The following GALNT11 variants were observed in gnomAD, a reference collection of about 807,000 sequenced individuals.
GALNT11 encodes the protein polypeptide N-acetylgalactosaminyltransferase 11.
In GALNT11, 47 loss-of-function variants were observed where a neutral mutation model predicts 72.7. That is an observed-to-expected ratio of 0.65 (90% confidence interval 0.51 to 0.82). The LOEUF is 0.82. Among genes scored for constraint, GALNT11 ranks in the 40% least tolerant of loss-of-function variants. GALNT11 has a pLI of 0.00. For missense variants in GALNT11, 677 were observed against 778.4 expected (o/e 0.87, Z 1.55); for synonymous variants, 270 against 286.6 (o/e 0.94, Z 0.58).
chr7:152,105,639 A>G (rs1382622074), intron 5 of GALNT11, among the ~76,000 whole-genome samples: 1 of 152,206 alleles, frequency 6.6e-6, no homozygotes, highest in Non-Finnish European at 1.5e-5. Context: ...CCCCTCAAAT[A>G]TATTTTATAT....
At chr7:152,080,714 C>A (rs991674530) in intron 1 of GALNT11, among the ~76,000 whole-genome samples, 1 of 152,110 alleles carries the variant, frequency 6.6e-6, no homozygotes, top group Non-Finnish European at 1.5e-5. Flanking sequence ...GTAATCCCAG[C>A]ACTTTGGGAG....
At chr7:152,048,763 G>A (rs1473741598) in intron 1 of GALNT11, among the ~76,000 whole-genome samples, 1 of 151,520 alleles carries the variant, frequency 6.6e-6, no homozygotes, top group African/African-American at 2.4e-5. Context: ...CAACTTTTAA[G>A]TTTGCCTTTT....
At chr7:152,084,080 C>T (rs1309618049) in intron 1 of GALNT11, among the ~76,000 whole-genome samples, 1 of 152,012 alleles carries the variant, frequency 6.6e-6, no homozygotes, top group Non-Finnish European at 1.5e-5. Context: ...GCTTAAGTAG[C>T]AGTAGGATTT....
intron 1 of GALNT11, among the ~76,000 whole-genome samples, chr7:152,091,040 T>TTG (rs1554426855): frequency 5.3e-5 from 8 of 151,198 alleles, no homozygotes; most frequent in African/African-American, 1.9e-4. Context: ...AGAGGGAGTT[T>TTG]TTGTTGTTGT....
Position 152,040,916 on chromosome 7 carries a change from G to T in GALNT11, c.-39+15032G>T, listed in dbSNP as rs550590530. Among the ~76,000 whole-genome samples, 6 of 152,232 alleles carry T rather than the reference G, an allele frequency of 3.9e-5. No individual in the cohort carries two copies. The East Asian group carries it at 1.2e-3, about 29-fold the overall frequency. On this transcript the variant is annotated intron_variant, in intron 1 of 11. Coordinates refer to ENST00000430044, the MANE Select transcript of GALNT11 (RefSeq NM_022087.4). Reference sequence around the variant, plus strand: ...ATTGGTTTAAATTTAGTTATTCTAGGGAGAATCCAATTACTTATTGTGACT... The same window carrying T: ...ATTGGTTTAAATTTAGTTATTCTAGTGAGAATCCAATTACTTATTGTGACT...
chr7:152,065,408 G>A (rs183056057), intron 1 of GALNT11, among the ~76,000 whole-genome samples: 6 of 152,194 alleles, frequency 3.9e-5, no homozygotes, highest in East Asian at 1.9e-4. Flanking sequence ...CCTTTAGCTC[G>A]GAGTAGTTTG....
rs1249052363 is a variant in GALNT11, at chr7:152,094,966, A to C, written c.295+444A>C. On this transcript the variant is annotated intron_variant, in intron 2 of 11. Transcript: ENST00000430044. The surrounding 1 kb of genome is among the most constrained non-coding windows in gnomAD (Gnocchi z 4.3). ...CCTGGAAGAAGGTTTTAATTGCTAG[A>C]ATTGTTAATAAGGGAAAGAAATGGT... Among the ~76,000 whole-genome samples the C allele has an allele frequency of 6.6e-6, 1 of 152,172 alleles. No homozygotes were observed. Among genetic ancestry groups the C allele is most frequent in the African/African-American group, 2.4e-5 (1 of 41,436 alleles).
intron 1 of GALNT11, among the ~76,000 whole-genome samples, chr7:152,072,824 T>A (rs1351982560): frequency 6.6e-6 from 1 of 152,224 alleles, no homozygotes; most frequent in African/African-American, 2.4e-5. Flanking sequence ...GGATAAATAT[T>A]CTAGTGTCTT....
chr7:152,107,102 A>T (rs2087645115), intron 5 of GALNT11: 1 of 152,194 alleles, frequency 6.6e-6, no homozygotes, highest in African/African-American at 2.4e-5. Context: ...TGGATAGATA[A>T]CATTTGGTGC....
intron 2 of GALNT11, among the ~76,000 whole-genome samples, chr7:152,097,593 G>A (rs1013885553): frequency 2.2e-4 from 34 of 152,364 alleles, no homozygotes; most frequent in African/African-American, 8.2e-4. Flanking sequence ...GTGACAACAT[G>A]TTATCCAAAT....
intron 1 of GALNT11, among the ~76,000 whole-genome samples, chr7:152,092,034 T>G (rs1341095123): frequency 2.6e-5 from 4 of 152,116 alleles, no homozygotes; most frequent in Admixed American, 2.0e-4. Context: ...GCGTGGACCT[T>G]GCTATATGGA....
chr7:152,121,402 T>TAACA lies in GALNT11; in HGVS notation c.1696-139_1696-136dup, dbSNP rs569829616. The TAACA allele has an allele frequency of 2.3e-3, 2,058 of 886,500 alleles. 10 individuals carry two copies. Among genetic ancestry groups the TAACA allele is most frequent in the Middle Eastern group, 4.5e-3 (19 of 4,268 alleles). The allele number at this position is 886,500 out of a possible 1,614,324, so 54.9% of individuals were successfully genotyped here. A position where few individuals can be genotyped will look rare whatever the true frequency, so the allele number is the denominator to read the frequency against. On this transcript the variant is annotated intron_variant, in intron 11 of 11. Transcript: ENST00000430044. ...ATATCTTATTGTATTGTGCTGCAGA[T>TAACA]AACAAACAGCAGAAAACTAACCTTT...
At chr7:152,027,262 T>C (rs1307092399) in intron 1 of GALNT11, among the ~76,000 whole-genome samples, 1 of 152,154 alleles carries the variant, frequency 6.6e-6, no homozygotes, top group African/African-American at 2.4e-5. Context: ...AAAATTTATT[T>C]TTAATTTTTG....
chr7:152,101,648 G>C lies in GALNT11; in HGVS notation c.419+727G>C, dbSNP rs535014883. 8.0e-4 allele frequency among the ~76,000 whole-genome samples: 117 copies of C among 146,874 alleles called. 4 individuals carry two copies. The highest frequency in any genetic ancestry group is 2.2e-3 in the African/African-American group (88 of 40,382). Reference sequence around the variant, plus strand: ...TAAGTTCATGGCTTTTTTTTGGGGGGGGGGGGATGGAGTCTTTCTCTGTTG... The same window carrying C: ...TAAGTTCATGGCTTTTTTTTGGGGGCGGGGGGATGGAGTCTTTCTCTGTTG... On this transcript the variant is annotated intron_variant, in intron 3 of 11. Transcript: ENST00000430044.
intron 1 of GALNT11, among the ~76,000 whole-genome samples, chr7:152,068,008 C>G (rs1257098947): frequency 6.6e-6 from 1 of 152,090 alleles, no homozygotes; most frequent in Non-Finnish European, 1.5e-5. Flanking sequence ...CTTGCAAGAA[C>G]TCCCTGTCAG....
chr7:152,068,345 GT>G (rs1290841116), intron 1 of GALNT11, among the ~76,000 whole-genome samples: 2 of 152,132 alleles, frequency 1.3e-5, no homozygotes, highest in African/African-American at 4.8e-5. Flanking sequence ...TCTTTGTGTA[GT>G]TTGATAGTTC....
At chr7:152,091,783 G>T (rs1385594720) in intron 1 of GALNT11, among the ~76,000 whole-genome samples, 5 of 152,204 alleles carry the variant, frequency 3.3e-5, no homozygotes, top group Non-Finnish European at 7.3e-5. Context: ...TTAGGTAAAG[G>T]TGACAGCAGG....
chr7:152,054,126 A>G (rs1158116410), intron 1 of GALNT11, among the ~76,000 whole-genome samples: 3 of 151,834 alleles, frequency 2.0e-5, no homozygotes, highest in Non-Finnish European at 4.4e-5. Context: ...TATTTTTTCT[A>G]TTTTTGTCCT....
chr7:152,041,747 A>G (rs2082871380), intron 1 of GALNT11, among the ~76,000 whole-genome samples: 1 of 152,258 alleles, frequency 6.6e-6, no homozygotes, highest in African/African-American at 2.4e-5. Context: ...CTCATGGCAT[A>G]GGTAGGAATG....
Sources: gnomAD v4.1 joint callset for allele counts (sites outside exome capture counted in the v4.1 genomes callset) on GRCh38, gnomAD v4.1.1 for gene constraint, Gnocchi (gnomAD v3.1) non-coding constraint, MANE v1.5 for transcripts, NCBI Gene and HGNC (gene_info 2026-07-23, HGNC 2026-07-21) for gene names.